The following FRYL variants were observed in gnomAD, a reference collection of about 807,000 sequenced individuals.
FRYL encodes the protein FRY like transcription coactivator.
In FRYL, 150 loss-of-function variants were observed where a neutral mutation model predicts 351.2. That is an observed-to-expected ratio of 0.43 (90% CI 0.37 to 0.49). The LOEUF (loss-of-function observed/expected upper bound fraction) is 0.49. FRYL is among the 20% of genes least tolerant of loss of function. FRYL has a pLI of 0.00. For synonymous variants in FRYL, 1,153 were observed against 1,257.1 expected, an observed-to-expected ratio of 0.92 and a Z score of 1.75; for missense variants, 3,036 against 3,619.3, an observed-to-expected ratio of 0.84 and a Z score of 4.13.
chr4:48,605,139 CAAAT>C (rs1347794816), intron 11 of FRYL, among the ~76,000 whole-genome samples: 1 of 152,172 alleles, frequency 6.6e-6, no homozygotes, highest in African/African-American at 2.4e-5. Context: ...CTGTGTAACT[CAAAT>C]AAACCACTTG....
At position 48,522,863 on chromosome 4, in the gene FRYL, G is replaced by A. The variant is rs951078313; in HGVS notation, c.7521+38C>T. ...AGAAGTTGGAAGTTAAGAGGAAAAT[G>A]AGACCAAATGTCACTGTAAGAAAAG... On this transcript the variant is annotated intron_variant, in intron 54 of 63. Coordinates refer to ENST00000358350, the MANE Select transcript of FRYL (RefSeq NM_015030.2). The A allele has an allele frequency of 4.7e-6, 7 of 1,483,370 alleles. No individual in the cohort carries two copies. The African/African-American group carries it at 9.7e-5, about 21-fold the overall frequency. The allele number at this position is 1,483,370 out of a possible 1,614,324, so 91.9% of individuals were successfully genotyped here.
At chr4:48,556,075 A>G (rs1734061272) in intron 35 of FRYL, among the ~76,000 whole-genome samples, 1 of 151,986 alleles carries the variant, frequency 6.6e-6, no homozygotes, top group Admixed American at 6.5e-5. Context: ...TTGGATTTTT[A>G]GTAGAGATGG....
At chr4:48,742,186 TG>T (rs1444678965) in intron 1 of FRYL, among the ~76,000 whole-genome samples, 1 of 152,246 alleles carries the variant, frequency 6.6e-6, no homozygotes, top group Non-Finnish European at 1.5e-5. Context: ...TCTGAAAAGT[TG>T]TCTTTTTTCA....
chr4:48,672,029 C>T (rs1762845467), intron 3 of FRYL, among the ~76,000 whole-genome samples: 1 of 151,980 alleles, frequency 6.6e-6, no homozygotes, highest in South Asian at 2.1e-4. Flanking sequence ...ACAGAATGCT[C>T]CAAGGTTAAA....
chr4:48,641,608 C>T (rs11726035), intron 3 of FRYL, among the ~76,000 whole-genome samples: 2 of 152,080 alleles, frequency 1.3e-5, no homozygotes, highest in Non-Finnish European at 2.9e-5. Flanking sequence ...CTAATTATAG[C>T]GCATTTATGA....
At chr4:48,753,240 T>C (rs764910118) in intron 1 of FRYL, among the ~76,000 whole-genome samples, 18 of 152,042 alleles carry the variant, frequency 1.2e-4, no homozygotes, top group Non-Finnish European at 2.1e-4. Context: ...ACATAAAAAA[T>C]TTAGGCTCAA....
intron 3 of FRYL, among the ~76,000 whole-genome samples, chr4:48,645,297 T>C (rs1268548387): frequency 6.6e-6 from 1 of 151,718 alleles, no homozygotes; most frequent in African/African-American, 2.4e-5. Context: ...TTACAAAAGA[T>C]AAATATTCTG....
intron 2 of FRYL, among the ~76,000 whole-genome samples, chr4:48,702,643 G>A (rs1463957362): frequency 6.7e-6 from 1 of 150,264 alleles, no homozygotes; most frequent in Non-Finnish European, 1.5e-5. Flanking sequence ...GGCTCCTGCA[G>A]TCCCAGCTAC....
intron 43 of FRYL, 123 bp downstream of exon 43, chr4:48,544,656 TAATA>T: frequency 4.5e-6 from 3 of 673,876 alleles, no homozygotes; most frequent in African/African-American, 1.9e-5. Flanking sequence ...CTGTTATCAT[TAATA>T]AATTAAAAGT....
At chr4:48,748,931 G>C (rs1331892951) in intron 1 of FRYL, among the ~76,000 whole-genome samples, 1 of 152,300 alleles carries the variant, frequency 6.6e-6, no homozygotes, top group Non-Finnish European at 1.5e-5. Flanking sequence ...TTGGAAGCAA[G>C]AGAGTCATCC....
intron 35 of FRYL, among the ~76,000 whole-genome samples, chr4:48,554,732 G>A (rs559754401): frequency 6.6e-6 from 1 of 152,136 alleles, no homozygotes; most frequent in African/African-American, 2.4e-5. Flanking sequence ...TCTATTTTCA[G>A]GTTCGATCTC....
In FRYL at chr4:48,612,818, T is replaced by C. The variant is rs537217308; in HGVS notation, c.412-2995A>G. Among the ~76,000 whole-genome samples, 4 of 152,182 alleles carry C rather than the reference T, an allele frequency of 2.6e-5. No homozygotes were observed. The East Asian group carries it at 7.8e-4, about 30-fold the overall frequency. On this transcript the variant is annotated intron_variant, in intron 7 of 63. Transcript: ENST00000358350. Reference sequence around the variant, plus strand: ...GTTAACCAAGATGGTCTCAATCTCCTGACCTCGTGATCCACTTGCCTTGGC... The same window carrying C: ...GTTAACCAAGATGGTCTCAATCTCCCGACCTCGTGATCCACTTGCCTTGGC...
chr4:48,693,173 G>GT (rs1304623944), intron 2 of FRYL, among the ~76,000 whole-genome samples: 1 of 152,008 alleles, frequency 6.6e-6, no homozygotes, highest in African/African-American at 2.4e-5. Context: ...TTGCTTGTCG[G>GT]TATTTCTTTT....
At chr4:48,653,148 GTTGTA>G (rs1240937735) in intron 3 of FRYL, among the ~76,000 whole-genome samples, 1 of 152,172 alleles carries the variant, frequency 6.6e-6, no homozygotes, top group Non-Finnish European at 1.5e-5. Context: ...AACGGCATCA[GTTGTA>G]TTGACTTAAC....
chr4:48,553,303 G>A lies in FRYL; in HGVS notation c.4347C>T (p.Thr1449=), dbSNP rs1393113698. The A allele has an allele frequency of 7.4e-6, 12 of 1,612,180 alleles. No individual in the cohort carries two copies. Among genetic ancestry groups the A allele is most frequent in the Admixed American group, 1.7e-5 (1 of 59,976 alleles). The change falls in exon 36 of 64, where the codon ACC becomes ACT. Residue 1449 remains threonine, a synonymous_variant. Coordinates refer to ENST00000358350, the MANE Select transcript of FRYL (RefSeq NM_015030.2). ...GAGTGACCCCTGAACTGACAGGATC[G>A]GTCAGCTGAAGCTCACTCACCAGCT... ...LEELVSELQL[T]DPVSSGVTHM...
intron 50 of FRYL, 90 bp downstream of exon 50, chr4:48,531,066 C>G (rs568289816): frequency 1.1e-5 from 10 of 891,214 alleles, no homozygotes; most frequent in Non-Finnish European, 1.6e-5. Context: ...TGGGTATGAG[C>G]TCAATCAATG....
At position 48,499,267 on chromosome 4, in the gene FRYL, GA is replaced by G; in HGVS notation, c.*154del. ...AAATATCAGATGTTTTTTTCTTTCA[GA>G]TCTTTGTTTTTGATGATACAGTTTG... On this transcript the variant is annotated 3_prime_UTR_variant, in exon 64 of 64. Coordinates refer to ENST00000358350, the MANE Select transcript of FRYL (RefSeq NM_015030.2). 1 of 644,574 alleles carries G rather than the reference GA, an allele frequency of 1.6e-6. No homozygotes were observed. The highest frequency in any genetic ancestry group is 2.9e-5 in the Admixed American group (1 of 33,932). The allele number at this position is 644,574 out of a possible 1,614,324, so 39.9% of individuals were successfully genotyped here. A position where few individuals can be genotyped will look rare whatever the true frequency, so the allele number is the denominator to read the frequency against.
intron 1 of FRYL, among the ~76,000 whole-genome samples, chr4:48,760,461 C>A (rs1388434547): frequency 2.0e-5 from 3 of 152,152 alleles, no homozygotes; most frequent in Admixed American, 2.0e-4. Flanking sequence ...GTTGTCTATA[C>A]ACATTATTAT....
rs115597623 is a variant in FRYL at position 48,652,066 on chromosome 4, A to G, written c.-80-17576T>C. 1.6e-3 allele frequency among the ~76,000 whole-genome samples: 238 copies of G among 152,368 alleles called. 1 individual carries two copies. The highest frequency in any genetic ancestry group is 5.5e-3 in the African/African-American group (230 of 41,596). On this transcript the variant is annotated intron_variant, in intron 3 of 63. Transcript: ENST00000358350. ...ACTGCTAAAAAACAAAGGCTTTACA[A>G]ACATCTGTTTTTGGTTCACTACTGG... is the stretch of plus-strand genomic sequence containing the variant.
Sources: allele counts gnomAD v4.1 joint callset (sites outside exome capture counted in the v4.1 genomes callset), GRCh38; gene constraint gnomAD v4.1.1; transcripts MANE v1.5; gene names NCBI Gene and HGNC (gene_info 2026-07-23, HGNC 2026-07-21).